TRPM7: variants seen among roughly 807,000 people sequenced by gnomAD.
TRPM7 encodes the protein transient receptor potential cation channel subfamily M member 7.
Under a neutral mutation model 229.7 loss-of-function variants are expected in TRPM7, and 134 were observed. That is an observed-to-expected ratio of 0.58 (90% CI 0.51 to 0.67). The LOEUF is 0.67. Among genes scored for constraint, TRPM7 ranks in the 30% least tolerant of loss-of-function variants. TRPM7 has a pLI of 0.00. For missense variants in TRPM7, 1,901 were observed against 2,210.0 expected, an observed-to-expected ratio of 0.86 and a Z score of 2.80; for synonymous variants, 699 against 715.2, an observed-to-expected ratio of 0.98 and a Z score of 0.36.
At chr15:50,577,966 T>C (rs942885775) in intron 31 of TRPM7, among the ~76,000 whole-genome samples, 4 of 152,152 alleles carry the variant, frequency 2.6e-5, no homozygotes, top group African/African-American at 7.2e-5. Flanking sequence ...CAGAACAGTA[T>C]ATACTGTACA....
At chr15:50,637,933 G>A (rs2060955910) in intron 6 of TRPM7, among the ~76,000 whole-genome samples, 1 of 152,180 alleles carries the variant, frequency 6.6e-6, no homozygotes, top group African/African-American at 2.4e-5. Flanking sequence ...AAAAGATATT[G>A]TGGCCAGGCA....
rs555153581 is a variant in TRPM7, at chr15:50,636,208, T to TG, written c.832+1213dup. On this transcript the variant is annotated intron_variant, in intron 7 of 38. Transcript: ENST00000646667. ...CTTAACTTTTTTTTTTTTTTTGCAA[T>TG]GGAGTCTTGCTCTGTCAACCAGGCT... 5.0e-3 allele frequency among the ~76,000 whole-genome samples: 748 copies of TG among 149,354 alleles called. 2 individuals are homozygous for TG. The highest frequency in any genetic ancestry group is 6.1e-3 in the Non-Finnish European group (412 of 67,466).
rs535869463 is a variant in TRPM7 at position 50,559,905 on chromosome 15, C to CG, written c.*1772dup. On this transcript the variant is annotated 3_prime_UTR_variant, in exon 39 of 39. Coordinates refer to ENST00000646667, the MANE Select transcript of TRPM7 (RefSeq NM_017672.6). ...GCGTGTGCCTGTAGTCCCAGCTACT[C>CG]GGGAGGCTGAGGCAGGAGAATCACT... 3.8e-4 allele frequency: 57 copies of CG among 150,360 alleles called. No homozygotes were observed. Among genetic ancestry groups the CG allele is most frequent in the African/African-American group, 1.3e-3 (52 of 40,966 alleles). 9.3% of individuals were successfully genotyped at this position (150,360 alleles called of 1,614,324 possible). A position where few individuals can be genotyped will look rare whatever the true frequency, so the allele number is the denominator to read the frequency against.
chr15:50,569,945 A>C lies in TRPM7; in HGVS notation c.5409T>G (p.Ile1803Met). ...AGTGATGTTTTGCTCTGAAGTTTTT[A>C]ATTGCATCTTCTCCTAGATTTGCTG... Reference protein sequence around the residue: ...FGPANLGEDAIKNFRAKHHCN... With the variant: ...FGPANLGEDAMKNFRAKHHCN... The change falls in exon 38 of 39, where the codon ATT (isoleucine) becomes ATG (methionine). Residue 1803 changes from isoleucine (I) to methionine (M), a missense_variant. By Grantham distance (10) the Ile-to-Met change is conservative (BLOSUM62 1). Around this residue, in one of 8 missense-constraint regions of TRPM7, gnomAD observed 257 missense variants for 352.0 expected, o/e 0.73. Coordinates refer to ENST00000646667, the MANE Select transcript of TRPM7 (RefSeq NM_017672.6). 3 of 1,612,594 alleles carry C rather than the reference A, an allele frequency of 1.9e-6. No individual in the cohort carries two copies. The highest frequency in any genetic ancestry group is 2.5e-6 in the Non-Finnish European group (3 of 1,179,364).
intron 1 of TRPM7, among the ~76,000 whole-genome samples, chr15:50,685,045 A>T (rs1046556498): frequency 1.3e-5 from 2 of 152,220 alleles, no homozygotes; most frequent in Non-Finnish European, 2.9e-5. Flanking sequence ...TTTGTCTGGG[A>T]TTTGCTTTAA....
chr15:50,637,931 T>C (rs1345998246), intron 6 of TRPM7, among the ~76,000 whole-genome samples: 4 of 152,188 alleles, frequency 2.6e-5, no homozygotes, highest in Admixed American at 1.3e-4. Context: ...ATAAAAGATA[T>C]TGTGGCCAGG....
At chr15:50,599,466 A>T in intron 21 of TRPM7, 170 bp from the exon 22 acceptor site, 1 of 486,592 alleles carries the variant, frequency 2.1e-6, no homozygotes, top group Admixed American at 3.7e-5. Flanking sequence ...ATCACTATAT[A>T]AATCTTAACA....
chr15:50,613,104 A>G (rs1367884982), intron 15 of TRPM7, among the ~76,000 whole-genome samples: 1 of 152,272 alleles, frequency 6.6e-6, no homozygotes, highest in African/African-American at 2.4e-5. Context: ...ATAAAGGGTT[A>G]GATAACATTT....
At chr15:50,686,378 C>T (rs1011296606) in intron 1 of TRPM7, among the ~76,000 whole-genome samples, 153 bp downstream of exon 1, 1 of 152,220 alleles carries the variant, frequency 6.6e-6, no homozygotes, top group African/African-American at 2.4e-5. Flanking sequence ...ACTGCACACC[C>T]GTCCCGAGAG....
At chr15:50,578,515 T>G (rs1284623059) in intron 31 of TRPM7, 124 bp downstream of exon 31, 5 of 793,468 alleles carry the variant, frequency 6.3e-6, no homozygotes, top group Non-Finnish European at 8.0e-6. Context: ...GAAGAACTCT[T>G]CAATACCTTG....
At chr15:50,672,500 G>C (rs1012405292) in intron 1 of TRPM7, among the ~76,000 whole-genome samples, 1 of 152,106 alleles carries the variant, frequency 6.6e-6, no homozygotes, top group Non-Finnish European at 1.5e-5. Context: ...AAGATGAGAG[G>C]TGGAAGACAA....
At chr15:50,605,852 T>C (rs999482459) in intron 20 of TRPM7, among the ~76,000 whole-genome samples, 1 of 151,952 alleles carries the variant, frequency 6.6e-6, no homozygotes, top group African/African-American at 2.4e-5. Flanking sequence ...ACAGATTTAA[T>C]AAACATATGG....
chr15:50,560,854 A>AG lies in TRPM7; in HGVS notation c.*823dup. Reference sequence around the variant, plus strand: ...CTGGGTTGTTGCTATAGATACAGATAGGGAAAAAAGTACTTTAACTTTCCT... The same window carrying AG: ...CTGGGTTGTTGCTATAGATACAGATAGGGGAAAAAAGTACTTTAACTTTCCT... On this transcript the variant is annotated 3_prime_UTR_variant, in exon 39 of 39. Coordinates refer to ENST00000646667, the MANE Select transcript of TRPM7 (RefSeq NM_017672.6). 1 of 152,778 alleles carries AG rather than the reference A, an allele frequency of 6.5e-6. No individual in the cohort carries two copies. Among genetic ancestry groups the AG allele is most frequent in the East Asian group, 1.9e-4 (1 of 5,192 alleles). 9.5% of individuals were successfully genotyped at this position (152,778 alleles called of 1,614,324 possible).
intron 4 of TRPM7, among the ~76,000 whole-genome samples, chr15:50,646,170 G>A (rs2061259186): frequency 6.6e-6 from 1 of 151,990 alleles, no homozygotes; most frequent in Non-Finnish European, 1.5e-5. Context: ...GTAGGATCGG[G>A]ATCCAGGAGA....
chr15:50,611,111 C>T lies in TRPM7; in HGVS notation c.2262G>A (p.Arg754=). 1 of 1,612,670 alleles carries T rather than the reference C, an allele frequency of 6.2e-7. No homozygotes were observed. Among genetic ancestry groups the T allele is most frequent in the Non-Finnish European group, 8.5e-7 (1 of 1,179,194 alleles). The stretch of plus-strand genomic sequence containing the variant: ...AGTATACCTTGTACCAGGAATTTTT[C>T]CTCATATTCAGCCTTCCCATCCACA... The part of the protein sequence containing the change: ...SDMWMGRLNM[R]KNSWYKVILS... The change falls in exon 17 of 39, where the codon AGG becomes AGA. Residue 754 remains arginine (R), a synonymous_variant. Coordinates refer to ENST00000646667, the MANE Select transcript of TRPM7 (RefSeq NM_017672.6).
intron 3 of TRPM7, among the ~76,000 whole-genome samples, chr15:50,650,074 T>G (rs1474896195): frequency 6.6e-6 from 1 of 150,826 alleles, no homozygotes; most frequent in East Asian, 2.0e-4. Flanking sequence ...GTGCCTGTAA[T>G]CCCAGCTACT....
intron 38 of TRPM7, among the ~76,000 whole-genome samples, chr15:50,562,132 G>A (rs1179806688): frequency 6.6e-6 from 1 of 152,060 alleles, no homozygotes; most frequent in Non-Finnish European, 1.5e-5. Context: ...CCGTCCTCAG[G>A]TGATCCACCT....
At chr15:50,612,956 T>G in intron 15 of TRPM7, 127 bp from the exon 16 acceptor site, 1 of 754,908 alleles carries the variant, frequency 1.3e-6, no homozygotes, top group Non-Finnish European at 2.0e-6. Flanking sequence ...GCATAAATTT[T>G]ATAAACTTGA....
intron 13 of TRPM7, among the ~76,000 whole-genome samples, chr15:50,615,904 T>A (rs111712927): frequency 4.6e-5 from 7 of 152,198 alleles, no homozygotes; most frequent in East Asian, 1.9e-4. Context: ...CTCAAAAAAA[T>A]ATATATATAT....
Sources: gnomAD v4.1 joint callset for allele counts (sites outside exome capture counted in the v4.1 genomes callset) on GRCh38, gnomAD v4.1.1 for gene constraint, gnomAD v4.1.1 regional missense constraint, MANE v1.5 for transcripts, NCBI Gene and HGNC (gene_info 2026-07-23, HGNC 2026-07-21) for gene names.